PLXNA4: variants seen among roughly 807,000 people sequenced by gnomAD.
PLXNA4 encodes the protein plexin A4, also known as plexin-A4.
In PLXNA4, 44 loss-of-function variants were observed where a neutral mutation model predicts 191.8. The observed-to-expected ratio is 0.23, with a 90% CI of 0.18 to 0.29. The LOEUF is 0.29. PLXNA4 is among the 10% of genes least tolerant of loss of function. The pLI, the probability that PLXNA4 is intolerant of heterozygous loss-of-function variation, is 1.00. For missense variants in PLXNA4, 1,800 were observed against 2,488.8 expected, an observed-to-expected ratio of 0.72 and a Z score of 5.89; for synonymous variants, 1,082 against 1,009.5, an observed-to-expected ratio of 1.07 and a Z score of -1.36.
At chr7:132,258,160 TC>T (rs1458483034) in intron 4 of PLXNA4, among the ~76,000 whole-genome samples, 2 of 152,210 alleles carry the variant, frequency 1.3e-5, no homozygotes, top group African/African-American at 2.4e-5. Context: ...GGAGAGGGTC[TC>T]CCCACCCCTG....
At chr7:132,232,128 T>C (rs1164807866) in intron 5 of PLXNA4, among the ~76,000 whole-genome samples, 1 of 152,128 alleles carries the variant, frequency 6.6e-6, no homozygotes, top group African/African-American at 2.4e-5. Flanking sequence ...TTTCTAGGAC[T>C]GCAATTCCCA....
rs17217234 is a variant in PLXNA4 at position 132,264,558 on chromosome 7, C to T, written c.1504-23392G>A. On this transcript the variant is annotated intron_variant, in intron 4 of 31. Transcript: ENST00000321063. ...TGGCCCCTCTGCTACTTCTGCTATACACAGGGCGAGCTGGGTTTATAACAC... is the reference window on the plus strand; with the variant it reads ...TGGCCCCTCTGCTACTTCTGCTATATACAGGGCGAGCTGGGTTTATAACAC... 7.5e-3 allele frequency among the ~76,000 whole-genome samples: 1,144 copies of T among 152,256 alleles called. 7 individuals carry two copies. Among genetic ancestry groups the T allele is most frequent in the Non-Finnish European group, 0.012 (820 of 68,016 alleles).
chr7:132,296,902 C>G (rs1319515172), intron 4 of PLXNA4, among the ~76,000 whole-genome samples: 2 of 152,100 alleles, frequency 1.3e-5, no homozygotes, highest in African/African-American at 2.4e-5. Flanking sequence ...TGAGACCATT[C>G]CCAAGCCATG....
rs79746318 is a variant in PLXNA4 at position 132,419,034 on chromosome 7, G to A, written c.1371+70258C>T. Among the ~76,000 whole-genome samples the A allele has an allele frequency of 2.9e-3, 442 of 152,344 alleles. 1 individual carries two copies. Among genetic ancestry groups the A allele is most frequent in the Non-Finnish European group, 4.7e-3 (323 of 68,044 alleles). ...GTACAGGCACCGTCTCCTTGTCACT[G>A]AGTATTAGCTGTCAATCAAAGGGTT... On this transcript the variant is annotated intron_variant, in intron 3 of 31. Coordinates refer to ENST00000321063, the MANE Select transcript of PLXNA4 (RefSeq NM_020911.2).
At chr7:132,624,081 A>G (rs1350391013) in intron 2 of PLXNA4, among the ~76,000 whole-genome samples, 4 of 152,208 alleles carry the variant, frequency 2.6e-5, no homozygotes, top group African/African-American at 9.6e-5. Context: ...AGAACCTACT[A>G]TGATGTAGTC....
intron 3 of PLXNA4, among the ~76,000 whole-genome samples, chr7:132,356,078 G>C (rs371234735): frequency 6.6e-6 from 1 of 152,094 alleles, no homozygotes; most frequent in Non-Finnish European, 1.5e-5. Flanking sequence ...ATCCAGTTTC[G>C]AAGAACTGCT....
chr7:132,646,930 C>T (rs1476861001), intron 1 of PLXNA4, among the ~76,000 whole-genome samples: 1 of 152,024 alleles, frequency 6.6e-6, no homozygotes, highest in Non-Finnish European at 1.5e-5. Context: ...CACACACATG[C>T]AGTCACACAC....
intron 9 of PLXNA4, among the ~76,000 whole-genome samples, chr7:132,218,100 G>A (rs1247756445): frequency 2.0e-5 from 3 of 152,102 alleles, no homozygotes; most frequent in East Asian, 3.9e-4. Flanking sequence ...TCAGGGCATG[G>A]GGCTTATTTC....
intron 3 of PLXNA4, among the ~76,000 whole-genome samples, chr7:132,450,916 C>T (rs1325881804): frequency 1.3e-5 from 2 of 152,136 alleles, no homozygotes; most frequent in African/African-American, 4.8e-5. Context: ...GCTCAAGGTC[C>T]TCTGCAGGGG....
At chr7:132,421,759 T>C (rs922751513) in intron 3 of PLXNA4, among the ~76,000 whole-genome samples, 1 of 152,178 alleles carries the variant, frequency 6.6e-6, no homozygotes, top group Non-Finnish European at 1.5e-5. Flanking sequence ...AGGGTCACAG[T>C]CTGGTCCTAG....
intron 1 of PLXNA4, among the ~76,000 whole-genome samples, chr7:132,546,092 G>C (rs922934543): frequency 5.8e-4 from 88 of 152,258 alleles, no homozygotes; most frequent in African/African-American, 2.0e-3. Flanking sequence ...ACCTACATCT[G>C]GTTCCCCTCT....
intron 3 of PLXNA4, among the ~76,000 whole-genome samples, chr7:132,410,485 G>T (rs1032383621): frequency 1.3e-5 from 2 of 152,182 alleles, no homozygotes; most frequent in Non-Finnish European, 2.9e-5. Context: ...AGGGATAACC[G>T]TTAGAACTGC....
At chr7:132,514,802 G>GCACACA (rs10632716) in intron 1 of PLXNA4, among the ~76,000 whole-genome samples, 3 of 149,118 alleles carry the variant, frequency 2.0e-5, no homozygotes, top group African/African-American at 4.9e-5. Context: ...GTGTCTCTAT[G>GCACACA]CACACACACA....
In PLXNA4 at chr7:132,620,835, C is replaced by A. The variant is rs192818254; in HGVS notation, c.-87+25093G>T. Among the ~76,000 whole-genome samples the A allele has an allele frequency of 2.6e-5, 4 of 152,140 alleles. No individual in the cohort carries two copies. The East Asian group carries it at 7.7e-4, about 29-fold the overall frequency. ...GCTGCTATCACAGAATACCATCAAC[C>A]GGGTGGCTTAAACAATAGACATTTA... On this transcript the variant is annotated intron_variant, in intron 2 of 4. Transcript: ENST00000378539.
chr7:132,514,531 G>C (rs1798863138), intron 1 of PLXNA4, among the ~76,000 whole-genome samples: 2 of 152,128 alleles, frequency 1.3e-5, no homozygotes, highest in Non-Finnish European at 2.9e-5. Context: ...CTTGGGATAA[G>C]ATTAACATTT....
chr7:132,368,597 C>T (rs545919386), intron 3 of PLXNA4, among the ~76,000 whole-genome samples: 5 of 152,302 alleles, frequency 3.3e-5, no homozygotes, highest in African/African-American at 7.2e-5. Context: ...CAGCTGCCTG[C>T]GCTGCGGCTC....
rs1027515931 is a variant in PLXNA4 at position 132,226,358 on chromosome 7, C to G, written c.1883-98G>C. On this transcript the variant is annotated intron_variant, in intron 7 of 31. Coordinates refer to ENST00000321063, the MANE Select transcript of PLXNA4 (RefSeq NM_020911.2). Reference sequence around the variant, plus strand: ...CTGCTGGAAAAGGGAGCCTGCTCCCCAGGCGGCTGTTGGCTTAACAGGGCT... The same window carrying G: ...CTGCTGGAAAAGGGAGCCTGCTCCCGAGGCGGCTGTTGGCTTAACAGGGCT... 3.2e-5 allele frequency: 34 copies of G among 1,058,772 alleles called. No individual in the cohort carries two copies. In the Middle Eastern group the frequency reaches 1.2e-3, roughly 39 times the overall value. 65.6% of individuals were successfully genotyped at this position (1,058,772 alleles called of 1,614,324 possible).
chr7:132,435,711 C>A (rs529557919), intron 3 of PLXNA4, among the ~76,000 whole-genome samples: 1 of 152,180 alleles, frequency 6.6e-6, no homozygotes, highest in Non-Finnish European at 1.5e-5. Flanking sequence ...ACCCATGAGA[C>A]GCATGACAGG....
At chr7:132,549,970 C>T (rs1031146894) in intron 1 of PLXNA4, among the ~76,000 whole-genome samples, 3 of 152,104 alleles carry the variant, frequency 2.0e-5, no homozygotes, top group Non-Finnish European at 2.9e-5. Context: ...GGGTGAGATC[C>T]TCACTTTACA....
Sources: gnomAD v4.1 joint callset for allele counts (sites outside exome capture counted in the v4.1 genomes callset) on GRCh38, gnomAD v4.1.1 for gene constraint, MANE v1.5 for transcripts, NCBI Gene and HGNC (gene_info 2026-07-23, HGNC 2026-07-21) for gene names.